The following EPHA6 variants were observed in gnomAD, a reference collection of about 807,000 sequenced individuals.
EPHA6 encodes the protein ephrin type-A receptor 6.
Under a neutral mutation model 112.0 loss-of-function variants are expected in EPHA6, and 50 were observed. The ratio of observed to expected loss-of-function variants is 0.45; its 90% CI spans 0.36 to 0.56. The LOEUF (loss-of-function observed/expected upper bound fraction) is 0.56. Ranked by LOEUF, EPHA6 falls within the 20% of genes least tolerant of loss-of-function variation. The pLI is 0.00. For synonymous variants in EPHA6, 529 were observed against 490.7 expected (o/e 1.08, Z -1.03); for missense variants, 1,280 against 1,417.4 (o/e 0.90, Z 1.56).
intron 5 of EPHA6, among the ~76,000 whole-genome samples, chr3:97,344,850 A>G (rs563061861): frequency 1.8e-4 from 28 of 152,268 alleles, no homozygotes; most frequent in South Asian, 4.1e-4. Context: ...CATCAATTCT[A>G]TAGAATCTGA....
intron 2 of EPHA6, among the ~76,000 whole-genome samples, chr3:96,872,396 C>A (rs1244537601): frequency 6.6e-6 from 1 of 152,052 alleles, no homozygotes; most frequent in Non-Finnish European, 1.5e-5. Context: ...TGGAGGGTGG[C>A]TTCCAAAGTT....
chr3:97,322,376 A>G (rs1347489915), intron 5 of EPHA6, among the ~76,000 whole-genome samples: 1 of 151,986 alleles, frequency 6.6e-6, no homozygotes, highest in Non-Finnish European at 1.5e-5. Flanking sequence ...AGCTTCAAGT[A>G]TCTCTCCATC....
At chr3:96,955,395 T>C (rs2041718352) in intron 2 of EPHA6, among the ~76,000 whole-genome samples, 1 of 152,210 alleles carries the variant, frequency 6.6e-6, no homozygotes, top group Non-Finnish European at 1.5e-5. Context: ...ACTCATGCTA[T>C]AGCTTTTCAG....
chr3:97,634,032 A>C (rs1220363845), intron 13 of EPHA6, among the ~76,000 whole-genome samples: 1 of 152,068 alleles, frequency 6.6e-6, no homozygotes, highest in African/African-American at 2.4e-5. Context: ...ATGCTACCCA[A>C]CCTAGCCCAG....
chr3:96,823,691 C>G (rs2033447738), intron 1 of EPHA6, among the ~76,000 whole-genome samples: 1 of 151,708 alleles, frequency 6.6e-6, no homozygotes, highest in Non-Finnish European at 1.5e-5. Flanking sequence ...TATTGGTCCA[C>G]TTGCTAGCAA....
At chr3:97,172,899 G>A (rs1037556202) in intron 3 of EPHA6, among the ~76,000 whole-genome samples, 2 of 151,924 alleles carry the variant, frequency 1.3e-5, no homozygotes, top group African/African-American at 4.8e-5. Flanking sequence ...TTTTTATTGA[G>A]CAAACAGAAT....
chr3:97,079,099 A>T (rs1235032624), intron 3 of EPHA6, among the ~76,000 whole-genome samples: 1 of 152,188 alleles, frequency 6.6e-6, no homozygotes, highest in Non-Finnish European at 1.5e-5. Flanking sequence ...TAGCAAAGGC[A>T]TGGAATCAAC....
chr3:97,685,151 A>T (rs1342165085), intron 14 of EPHA6, among the ~76,000 whole-genome samples: 1 of 152,212 alleles, frequency 6.6e-6, no homozygotes, highest in Non-Finnish European at 1.5e-5. Context: ...AAACAGAAAT[A>T]AATTTGTCTA....
intron 3 of EPHA6, among the ~76,000 whole-genome samples, chr3:97,217,418 G>A (rs569129091): frequency 1.5e-4 from 23 of 152,184 alleles, no homozygotes; most frequent in African/African-American, 5.5e-4. Context: ...AAATAGCAAG[G>A]TAGAATTAAA....
chr3:97,462,150 T>G (rs1166081407), intron 7 of EPHA6, among the ~76,000 whole-genome samples: 1 of 152,164 alleles, frequency 6.6e-6, no homozygotes, highest in Admixed American at 6.5e-5. Flanking sequence ...TTAATTAGCC[T>G]TTTTGTGCCT....
rs142982702 is a variant in EPHA6 at position 97,542,011 on chromosome 3, A to C, written c.2386+9468A>C. ...GGCAAACTGAAGAACTTGGAGTCCG[A>C]TGTTCGAGGGCAGGAAGCATCCAGC... On this transcript the variant is annotated intron_variant, in intron 11 of 17. Coordinates refer to ENST00000389672, the MANE Select transcript of EPHA6 (RefSeq NM_001080448.3). Among the ~76,000 whole-genome samples the C allele has an allele frequency of 8.0e-3, 1,211 of 151,652 alleles. 18 individuals carry two copies. Among genetic ancestry groups the C allele is most frequent in the African/African-American group, 0.028 (1,162 of 41,360 alleles).
Position 97,760,297 on chromosome 3 carries a change from T to C in EPHA6, c.*11596T>C, listed in dbSNP as rs1157222861. On this transcript the variant is annotated 3_prime_UTR_variant, in exon 18 of 18. Transcript: ENST00000389672. ...GTGCCCCTCTATCCTATAGGAAGAA[T>C]GTGATCTTTTAATTGTGCTTGGTGC... 2 of 172,588 alleles carry C rather than the reference T, an allele frequency of 1.2e-5. No individual in the cohort carries two copies. The highest frequency in any genetic ancestry group is 4.8e-5 in the African/African-American group (2 of 41,784). 10.7% of individuals were successfully genotyped at this position (172,588 alleles called of 1,614,324 possible).
Position 97,747,342 on chromosome 3 carries a change from GTAAAAA to G in EPHA6, c.3129-76_3129-71del, listed in dbSNP as rs2035761533. The G allele has an allele frequency of 3.3e-6, 4 of 1,224,708 alleles. No individual in the cohort carries two copies. In the African/African-American group the frequency reaches 6.3e-5, roughly 19 times the overall value. 75.9% of individuals were successfully genotyped at this position (1,224,708 alleles called of 1,614,324 possible). A position where few individuals can be genotyped will look rare whatever the true frequency, so the allele number is the denominator to read the frequency against. On this transcript the variant is annotated intron_variant, in intron 16 of 17. Coordinates refer to ENST00000389672, the MANE Select transcript of EPHA6 (RefSeq NM_001080448.3). ...CATTAGATGTAAGAATATTGTAAAAGTAAAAATAAAGTTCCGTGATTTGTGCTTTAT... is the reference window on the plus strand; with the variant it reads ...CATTAGATGTAAGAATATTGTAAAAGTAAAGTTCCGTGATTTGTGCTTTAT...
chr3:97,165,233 T>G (rs1372414792), intron 3 of EPHA6, among the ~76,000 whole-genome samples: 1 of 152,160 alleles, frequency 6.6e-6, no homozygotes, highest in Non-Finnish European at 1.5e-5. Flanking sequence ...ATACCACCTA[T>G]ACTCCAAGAT....
At chr3:96,856,805 C>A (rs1334575055) in intron 1 of EPHA6, among the ~76,000 whole-genome samples, 3 of 152,016 alleles carry the variant, frequency 2.0e-5, no homozygotes, top group African/African-American at 4.8e-5. Context: ...GTAATTTGGT[C>A]TTTTGAATGG....
chr3:97,733,181 A>C (rs1251658602), intron 15 of EPHA6, among the ~76,000 whole-genome samples: 1 of 152,024 alleles, frequency 6.6e-6, no homozygotes, highest in Admixed American at 6.6e-5. Flanking sequence ...TGTCTACAGG[A>C]GTTGTCTGAA....
chr3:97,242,529 C>T (rs1054788570), intron 4 of EPHA6, among the ~76,000 whole-genome samples: 13 of 151,618 alleles, frequency 8.6e-5, no homozygotes, highest in African/African-American at 1.9e-4. Flanking sequence ...TTTATTCATC[C>T]GCTTACATAG....
intron 5 of EPHA6, among the ~76,000 whole-genome samples, chr3:97,254,620 T>C (rs770758217): frequency 1.3e-5 from 2 of 152,198 alleles, no homozygotes; most frequent in Admixed American, 1.3e-4. Context: ...AAGGTGATGG[T>C]TTTCACATGC....
intron 11 of EPHA6, among the ~76,000 whole-genome samples, chr3:97,572,367 G>A (rs1316634049): frequency 2.0e-5 from 3 of 151,848 alleles, no homozygotes; most frequent in Non-Finnish European, 4.4e-5. Flanking sequence ...AGCCAGGATC[G>A]TCTCGATCTC....
Sources: gnomAD v4.1 joint callset for allele counts (sites outside exome capture counted in the v4.1 genomes callset) on GRCh38, gnomAD v4.1.1 for gene constraint, MANE v1.5 for transcripts, NCBI Gene and HGNC (gene_info 2026-07-23, HGNC 2026-07-21) for gene names.